The following KIRREL3 variants were observed in gnomAD, a reference collection of about 807,000 sequenced individuals.
The protein encoded by KIRREL3 is kin of IRRE-like protein 3.
Under a neutral mutation model 89.7 loss-of-function variants are expected in KIRREL3, and 36 were observed. The observed-to-expected ratio is 0.40, with a 90% CI of 0.31 to 0.53. KIRREL3 has a LOEUF of 0.53. Among genes scored for constraint, KIRREL3 ranks in the 20% least tolerant of loss-of-function variants. The pLI is 0.49. For missense variants in KIRREL3, 864 were observed against 1,056.6 expected (o/e 0.82, Z 2.53); for synonymous variants, 445 against 441.4 (o/e 1.01, Z -0.10).
At chr11:126,446,684 G>A (rs1955828123) in intron 9 of KIRREL3, 75 bp downstream of exon 9, 2 of 1,462,506 alleles carry the variant, frequency 1.4e-6, no homozygotes, top group Non-Finnish European at 1.9e-6. Context: ...AGAGGGGCCT[G>A]GGCAGCAGTT....
At chr11:126,913,708 G>A (rs1341587703) in intron 1 of KIRREL3, among the ~76,000 whole-genome samples, 4 of 152,218 alleles carry the variant, frequency 2.6e-5, no homozygotes, top group Non-Finnish European at 5.9e-5. Context: ...CTTATCAGAA[G>A]CCCAAAGAAT....
At position 126,651,624 on chromosome 11, in the gene KIRREL3, G is replaced by T. The variant is rs1271098246; in HGVS notation, c.56-88712C>A. Reference sequence around the variant, plus strand: ...AGGGGATTTATCAGGTTTGATTATAGATGCATAATGAATTTACCAAATTTG... The same window carrying T: ...AGGGGATTTATCAGGTTTGATTATATATGCATAATGAATTTACCAAATTTG... On this transcript the variant is annotated intron_variant, in intron 1 of 16. Transcript: ENST00000525144. This position sits in a 1 kb window ranked among gnomAD's most constrained non-coding sequence, Gnocchi z 4.6. 6.6e-6 allele frequency among the ~76,000 whole-genome samples: 1 copy of T among 152,200 alleles called. No homozygotes were observed. Among genetic ancestry groups the T allele is most frequent in the African/African-American group, 2.4e-5 (1 of 41,438 alleles).
In KIRREL3 at chr11:126,904,908, T is replaced by C. The variant is rs555832349; in HGVS notation, c.55+95547A>G. Reference sequence around the variant, plus strand: ...GGACAACTCCAAGTATAGCTAAGTATATAATAAATAACTGACTATCCATGA... The same window carrying C: ...GGACAACTCCAAGTATAGCTAAGTACATAATAAATAACTGACTATCCATGA... On this transcript the variant is annotated intron_variant, in intron 1 of 16. Transcript: ENST00000525144. This position sits in a 1 kb window ranked among gnomAD's most constrained non-coding sequence, Gnocchi z 4.4. Among the ~76,000 whole-genome samples, 84 of 151,890 alleles carry C rather than the reference T, an allele frequency of 5.5e-4. No homozygotes were observed. Among genetic ancestry groups the C allele is most frequent in the Non-Finnish European group, 8.7e-4 (59 of 67,964 alleles).
chr11:126,923,222 CT>C (rs1302897309), intron 1 of KIRREL3, among the ~76,000 whole-genome samples: 856 of 33,306 alleles, frequency 0.026, 157 homozygotes, highest in African/African-American at 0.049. Flanking sequence ...TCTTCTTCTT[CT>C]TCTTCTTCTT....
chr11:126,921,027 G>GC (rs1000944256), intron 1 of KIRREL3, among the ~76,000 whole-genome samples: 1 of 152,134 alleles, frequency 6.6e-6, no homozygotes, highest in Admixed American at 6.5e-5. Context: ...CATCTCTCTC[G>GC]CCCCCTGTGG....
chr11:126,494,047 C>A (rs977708032), intron 4 of KIRREL3, among the ~76,000 whole-genome samples: 4 of 152,158 alleles, frequency 2.6e-5, no homozygotes, highest in African/African-American at 9.7e-5. Flanking sequence ...TTAAACAAAT[C>A]AGAATGAATG....
intron 1 of KIRREL3, among the ~76,000 whole-genome samples, chr11:126,874,659 A>C (rs1200795578): frequency 6.6e-6 from 1 of 152,140 alleles, no homozygotes; most frequent in Non-Finnish European, 1.5e-5. Flanking sequence ...TTATTTTCTT[A>C]ATGTGGGAAC....
chr11:126,472,731 A>AGAGAGAGAGC (rs1416539561), intron 5 of KIRREL3, among the ~76,000 whole-genome samples: 139 of 151,658 alleles, frequency 9.2e-4, no homozygotes, highest in African/African-American at 3.1e-3. Flanking sequence ...AGAGAGAGAG[A>AGAGAGAGAGC]GCACAAGTCA....
At chr11:126,467,339 T>G (rs1434934311) in intron 5 of KIRREL3, among the ~76,000 whole-genome samples, 1 of 152,172 alleles carries the variant, frequency 6.6e-6, no homozygotes. Context: ...CAGGTATGGT[T>G]GTACACAGTG....
At chr11:126,473,508 C>T in intron 4 of KIRREL3, 42 bp from the exon 5 acceptor site, 1 of 1,493,606 alleles carries the variant, frequency 6.7e-7, no homozygotes, top group Non-Finnish European at 9.0e-7. Flanking sequence ...AGGCTCCCAC[C>T]TCGGGCAGGA....
In KIRREL3 at chr11:126,894,542, C is replaced by CAAAAAA. The variant is rs10630231; in HGVS notation, c.55+105907_55+105912dup. 2.5e-3 allele frequency among the ~76,000 whole-genome samples: 43 copies of CAAAAAA among 17,468 alleles called. 5 individuals are homozygous for CAAAAAA. Among genetic ancestry groups the CAAAAAA allele is most frequent in the Middle Eastern group, 0.1 (1 of 10 alleles). 11.5% of individuals were successfully genotyped at this position (17,468 alleles called of 152,430 possible). A position where few individuals can be genotyped will look rare whatever the true frequency, so the allele number is the denominator to read the frequency against. ...TGGGCAACATAATGAGACCTCATCT[C>CAAAAAA]AAAAAAAAAAAAAAAAAAAAAAAAA... is the stretch of plus-strand genomic sequence containing the variant. On this transcript the variant is annotated intron_variant, in intron 1 of 16. Transcript: ENST00000525144.
In KIRREL3 at chr11:126,749,049, G is replaced by A. The variant is rs140216138; in HGVS notation, c.56-186137C>T. Among the ~76,000 whole-genome samples the A allele has an allele frequency of 3.3e-3, 500 of 152,172 alleles. 4 individuals are homozygous for A. Among genetic ancestry groups the A allele is most frequent in the African/African-American group, 0.011 (476 of 41,530 alleles). On this transcript the variant is annotated intron_variant, in intron 1 of 16. Coordinates refer to ENST00000525144, the MANE Select transcript of KIRREL3 (RefSeq NM_032531.4). ...CAGTCTCCAGGTGGCAGGGGGTTGC[G>A]ACCACCTTCCCTGGAGAGTCTGGGC...
chr11:126,552,092 A>G (rs1254616554), intron 2 of KIRREL3, among the ~76,000 whole-genome samples: 2 of 152,230 alleles, frequency 1.3e-5, no homozygotes, highest in Non-Finnish European at 2.9e-5. Flanking sequence ...TTGTTAATGT[A>G]GTATTGGATT....
At chr11:126,600,045 T>C (rs1448167326) in intron 1 of KIRREL3, among the ~76,000 whole-genome samples, 1 of 152,172 alleles carries the variant, frequency 6.6e-6, no homozygotes, top group Non-Finnish European at 1.5e-5. Flanking sequence ...AAAAGACTAG[T>C]TTGCGTGTTC....
chr11:126,598,466 T>C (rs543655475), intron 1 of KIRREL3, among the ~76,000 whole-genome samples: 12 of 152,298 alleles, frequency 7.9e-5, no homozygotes, highest in East Asian at 5.8e-4. Context: ...TCTTTAAAGA[T>C]GGCTGATTCA....
intron 4 of KIRREL3, among the ~76,000 whole-genome samples, chr11:126,517,291 C>G (rs1489622774): frequency 2.0e-5 from 3 of 152,188 alleles, no homozygotes; most frequent in Admixed American, 6.5e-5. Context: ...GAGGCTTGAG[C>G]CAAAGAGGCC....
At chr11:126,799,404 ATCTGTGTGTGCGTCTCTGTGTGCATG>A (rs1950947928) in intron 1 of KIRREL3, among the ~76,000 whole-genome samples, 2 of 1,044 alleles carry the variant, frequency 1.9e-3, no homozygotes, top group African/African-American at 2.5e-3. Context: ...GTGTGCATCT[ATCTGTGTGTGCGTCTCTGTGTGCATG>A]TGTGTATCTG....
chr11:126,733,533 CCA>C (rs1279968833), intron 1 of KIRREL3, among the ~76,000 whole-genome samples: 5 of 23,980 alleles, frequency 2.1e-4, no homozygotes, highest in Non-Finnish European at 4.9e-4. Flanking sequence ...TGATATTCAG[CCA>C]TTATGCCATT....
chr11:126,429,458 G>A lies in KIRREL3; in HGVS notation c.1697-170C>T, dbSNP rs1823741620. On this transcript the variant is annotated intron_variant, in intron 14 of 16. Transcript: ENST00000525144. The surrounding 1 kb of genome is among the most constrained non-coding windows in gnomAD (Gnocchi z 5.2). ...ACCAATAGAACCTCCATATGGAGATGCTGTGGGTGTTTGGGCCTCAGAGGA... is the reference window on the plus strand; with the variant it reads ...ACCAATAGAACCTCCATATGGAGATACTGTGGGTGTTTGGGCCTCAGAGGA... Among the ~76,000 whole-genome samples the A allele has an allele frequency of 6.6e-6, 1 of 152,164 alleles. No homozygotes were observed. Among genetic ancestry groups the A allele is most frequent in the South Asian group, 2.1e-4 (1 of 4,830 alleles).
Sources: allele counts gnomAD v4.1 joint callset (sites outside exome capture counted in the v4.1 genomes callset), GRCh38; gene constraint gnomAD v4.1.1; non-coding constraint Gnocchi (gnomAD v3.1); transcripts MANE v1.5; gene names NCBI Gene and HGNC (gene_info 2026-07-23, HGNC 2026-07-21).